TMEM132C: variants seen among roughly 807,000 people sequenced by gnomAD.
TMEM132C encodes protein phosphatase 1, regulatory subunit 152.
In TMEM132C, 29 loss-of-function variants were observed where a neutral mutation model predicts 61.4. That is an observed-to-expected ratio of 0.47 (90% CI 0.35 to 0.64). The LOEUF is 0.64. TMEM132C is among the 30% of genes least tolerant of loss of function. The pLI, the probability that TMEM132C is intolerant of heterozygous loss-of-function variation, is 0.00. For missense variants in TMEM132C, 1,408 were observed against 1,476.9 expected (o/e 0.95, Z 0.76); for synonymous variants, 656 against 633.1 (o/e 1.04, Z -0.54).
chr12:128,682,066 C>G (rs998798737), intron 5 of TMEM132C, among the ~76,000 whole-genome samples: 1 of 152,102 alleles, frequency 6.6e-6, no homozygotes. Context: ...TCTGATTGCT[C>G]CCGCTTAGGT....
At position 128,527,182 on chromosome 12, in the gene TMEM132C, C is replaced by T. The variant is rs79670824; in HGVS notation, c.975-16775C>T. 2.5e-3 allele frequency among the ~76,000 whole-genome samples: 374 copies of T among 152,246 alleles called. 1 individual carries two copies. The highest frequency in any genetic ancestry group is 8.3e-3 in the African/African-American group (344 of 41,556). Reference sequence around the variant, plus strand: ...GAATTGGAAAGCAACCATGGATGGTCGCTGTGTCCAGAATTGCACCCCAAC... The same window carrying T: ...GAATTGGAAAGCAACCATGGATGGTTGCTGTGTCCAGAATTGCACCCCAAC... On this transcript the variant is annotated intron_variant, in intron 2 of 8. Coordinates refer to ENST00000435159, the MANE Select transcript of TMEM132C (RefSeq NM_001136103.3).
Position 128,357,102 on chromosome 12 carries a change from T to C in TMEM132C, c.86-57630T>C, listed in dbSNP as rs139027852. Among the ~76,000 whole-genome samples the C allele has an allele frequency of 2.0e-3, 302 of 152,312 alleles. 4 individuals are homozygous for C. The highest frequency in any genetic ancestry group is 7.0e-3 in the African/African-American group (289 of 41,556). On this transcript the variant is annotated intron_variant, in intron 1 of 8. Transcript: ENST00000435159. Reference sequence around the variant, plus strand: ...AATTACAGCATGTCTGTTTCTCTCTTGAATACAGCAGGTCGGGAGCCCACG... The same window carrying C: ...AATTACAGCATGTCTGTTTCTCTCTCGAATACAGCAGGTCGGGAGCCCACG...
At chr12:128,270,821 C>T (rs1184006829) in intron 1 of TMEM132C, among the ~76,000 whole-genome samples, 1 of 152,156 alleles carries the variant, frequency 6.6e-6, no homozygotes, top group Non-Finnish European at 1.5e-5. Context: ...TCTATTAAAC[C>T]ATCAGATCTC....
rs188920183 is a variant in TMEM132C at position 128,358,906 on chromosome 12, C to T, written c.86-55826C>T. ...AACCAAAATAGGAAGAATGCTCACC[C>T]TGGTACCAGTCACACAAATGGTAGT... On this transcript the variant is annotated intron_variant, in intron 1 of 8. Coordinates refer to ENST00000435159, the MANE Select transcript of TMEM132C (RefSeq NM_001136103.3). Among the ~76,000 whole-genome samples the T allele has an allele frequency of 1.4e-3, 207 of 152,304 alleles. 1 individual carries two copies. Among genetic ancestry groups the T allele is most frequent in the Admixed American group, 2.1e-3 (32 of 15,296 alleles).
intron 1 of TMEM132C, among the ~76,000 whole-genome samples, chr12:128,344,002 ATCTTCTATTATATGGATAT>A (rs1025996458): frequency 3.3e-5 from 5 of 152,200 alleles, no homozygotes; most frequent in African/African-American, 1.2e-4. Flanking sequence ...TGACTGGGTA[ATCTTCTATTATATGGATAT>A]TCCACATTTA....
chr12:128,323,938 A>T lies in TMEM132C; in HGVS notation c.85+56451A>T, dbSNP rs567283160. On this transcript the variant is annotated intron_variant, in intron 1 of 8. Transcript: ENST00000435159. ...GGAAAGAGAGGGAGGGAAGTCCAGA[A>T]GACAGCCAGGCCTGTAAGCAGCTCT... Among the ~76,000 whole-genome samples, 3 of 152,332 alleles carry T rather than the reference A, an allele frequency of 2.0e-5. No individual in the cohort carries two copies. In the East Asian group the frequency reaches 5.8e-4, roughly 29 times the overall value.
In TMEM132C at chr12:128,435,753, A is replaced by C. The variant is rs566154808; in HGVS notation, c.974+20133A>C. Among the ~76,000 whole-genome samples the C allele has an allele frequency of 2.0e-5, 3 of 152,232 alleles. No homozygotes were observed. The East Asian group carries it at 5.8e-4, about 29-fold the overall frequency. ...AATTTATAGATTCAGTGCCATCCCC[A>C]TCAAGCTACCAATTACTTTCTTCAC... On this transcript the variant is annotated intron_variant, in intron 2 of 8. Transcript: ENST00000435159.
At chr12:128,453,607 A>C (rs1870250559) in intron 2 of TMEM132C, among the ~76,000 whole-genome samples, 1 of 152,176 alleles carries the variant, frequency 6.6e-6, no homozygotes, top group Non-Finnish European at 1.5e-5. Context: ...TTGCAAGCAG[A>C]CAAGAAGGGT....
chr12:128,396,024 C>G (rs991769978), intron 1 of TMEM132C, among the ~76,000 whole-genome samples: 1 of 152,082 alleles, frequency 6.6e-6, no homozygotes, highest in Non-Finnish European at 1.5e-5. Context: ...GGCATGAAGC[C>G]CTTTAGTAGA....
intron 1 of TMEM132C, among the ~76,000 whole-genome samples, chr12:128,412,376 C>A (rs1445139202): frequency 6.6e-6 from 1 of 152,160 alleles, no homozygotes; most frequent in Admixed American, 6.5e-5. Context: ...ACTCTGATTT[C>A]TTTTCATGTG....
chr12:128,284,283 G>A (rs1870988472), intron 1 of TMEM132C, among the ~76,000 whole-genome samples: 1 of 152,240 alleles, frequency 6.6e-6, no homozygotes, highest in Non-Finnish European at 1.5e-5. Context: ...GTTTAGGAGT[G>A]TATAGTGCTC....
intron 2 of TMEM132C, among the ~76,000 whole-genome samples, chr12:128,510,311 A>G (rs1156591932): frequency 6.6e-6 from 1 of 152,220 alleles, no homozygotes; most frequent in African/African-American, 2.4e-5. Flanking sequence ...GGCCAACAAC[A>G]CCATGACTGA....
intron 8 of TMEM132C, among the ~76,000 whole-genome samples, chr12:128,701,901 T>TC (rs1491007070): frequency 0.068 from 37 of 544 alleles, no homozygotes; most frequent in Non-Finnish European, 0.047. Context: ...TTCTTCTTCT[T>TC]TTTTTTTTTT....
At chr12:128,461,137 A>G (rs1870519745) in intron 2 of TMEM132C, among the ~76,000 whole-genome samples, 3 of 152,176 alleles carry the variant, frequency 2.0e-5, no homozygotes, top group African/African-American at 7.2e-5. Context: ...CTCTGTGTGT[A>G]ACTTGCACCT....
intron 3 of TMEM132C, among the ~76,000 whole-genome samples, chr12:128,575,436 G>A (rs575475005): frequency 5.3e-5 from 8 of 151,884 alleles, no homozygotes; most frequent in African/African-American, 9.7e-5. Flanking sequence ...CCAAGATGGC[G>A]CCATTGCACT....
At chr12:128,647,713 C>G (rs989087712) in intron 4 of TMEM132C, among the ~76,000 whole-genome samples, 14 of 150,638 alleles carry the variant, frequency 9.3e-5, no homozygotes, top group African/African-American at 3.5e-4. Flanking sequence ...TAGATCCCAT[C>G]AGTGTTGGAT....
At chr12:128,624,546 A>G (rs1953997694) in intron 4 of TMEM132C, among the ~76,000 whole-genome samples, 1 of 147,776 alleles carries the variant, frequency 6.8e-6, no homozygotes, top group Non-Finnish European at 1.5e-5. Flanking sequence ...TCCATCTCAA[A>G]AAAAAAAAAA....
At chr12:128,662,259 T>C (rs1044441817) in intron 4 of TMEM132C, among the ~76,000 whole-genome samples, 4 of 152,186 alleles carry the variant, frequency 2.6e-5, no homozygotes, top group Non-Finnish European at 5.9e-5. Context: ...TTGGCCTCCC[T>C]CCAGCCACCA....
chr12:128,414,904 C>T lies in TMEM132C; in HGVS notation c.258C>T (p.Thr86=). ...SLQARVESFF[T]YKTRQPPVLN... ...AGGCGAGGGTGGAGTCCTTCTTTAC[C>T]TACAAAACCAGGCAGCCCCCAGTGC... The change falls in exon 2 of 9, where the codon ACC becomes ACT. Residue 86 remains threonine, a synonymous_variant. Coordinates refer to ENST00000435159, the MANE Select transcript of TMEM132C (RefSeq NM_001136103.3). 1 of 1,551,822 alleles carries T rather than the reference C, an allele frequency of 6.4e-7. No homozygotes were observed. Among genetic ancestry groups the T allele is most frequent in the African/African-American group, 1.4e-5 (1 of 73,134 alleles).
Sources: allele counts gnomAD v4.1 joint callset (sites outside exome capture counted in the v4.1 genomes callset), GRCh38; gene constraint gnomAD v4.1.1; transcripts MANE v1.5; gene names NCBI Gene and HGNC (gene_info 2026-07-23, HGNC 2026-07-21).